Variants in NRXN1 observed in about 807,000 individuals in gnomAD.
NRXN1 encodes the protein neurexin-1.
In NRXN1, 39 loss-of-function variants were observed where a neutral mutation model predicts 150.9. The ratio of observed to expected loss-of-function variants is 0.26; its 90% CI spans 0.20 to 0.34. NRXN1 has a LOEUF of 0.34. NRXN1 is among the 10% of genes least tolerant of loss of function. The probability of loss-of-function intolerance (pLI) is 1.00; values close to 1 mark genes in which losing one functional copy is unlikely to be tolerated. For synonymous variants in NRXN1, 924 were observed against 757.0 expected, an observed-to-expected ratio of 1.22 and a Z score of -3.62; for missense variants, 1,815 against 1,949.9, an observed-to-expected ratio of 0.93 and a Z score of 1.30.
intron 5 of NRXN1, among the ~76,000 whole-genome samples, chr2:50,643,444 C>T (rs910046963): frequency 2.0e-5 from 3 of 151,954 alleles, no homozygotes. Context: ...TCAGTTCCAT[C>T]AGACTTTTTA....
At chr2:50,973,633 G>A (rs554781345) in intron 2 of NRXN1, among the ~76,000 whole-genome samples, 2 of 152,010 alleles carry the variant, frequency 1.3e-5, no homozygotes, top group East Asian at 1.9e-4. Context: ...ACACTCAAGC[G>A]ACAAATAAAA....
chr2:49,980,408 A>C (rs1679803254), intron 21 of NRXN1, among the ~76,000 whole-genome samples: 1 of 152,274 alleles, frequency 6.6e-6, no homozygotes, highest in South Asian at 2.1e-4. Flanking sequence ...CCATATCAAC[A>C]AGATTTCAAT....
At position 49,944,787 on chromosome 2, in the gene NRXN1, T is replaced by TAGAATTGTTCAAACAATTCTC. The variant is rs570048113; in HGVS notation, c.4129-1017_4129-997dup. Among the ~76,000 whole-genome samples, 1,086 of 152,296 alleles carry TAGAATTGTTCAAACAATTCTC rather than the reference T, an allele frequency of 7.1e-3. 7 individuals carry two copies. The highest frequency in any genetic ancestry group is 0.025 in the African/African-American group (1,042 of 41,542). Reference sequence around the variant, plus strand: ...TACATCTACTAAGGACTAAAGAGATTAGAATTGTTCAAACAATTCTCAGAA... The same window carrying TAGAATTGTTCAAACAATTCTC: ...TACATCTACTAAGGACTAAAGAGATTAGAATTGTTCAAACAATTCTCAGAATTGTTCAAACAATTCTCAGAA... On this transcript the variant is annotated intron_variant, in intron 21 of 22. Coordinates refer to ENST00000401669, the MANE Select transcript of NRXN1 (RefSeq NM_001330078.2).
rs542391233 is a variant in NRXN1, at chr2:50,265,319, T to A, written c.3365-28349A>T. Among the ~76,000 whole-genome samples, 3 of 152,248 alleles carry A rather than the reference T, an allele frequency of 2.0e-5. 1 individual carries two copies. In the South Asian group the frequency reaches 6.2e-4, roughly 32 times the overall value. On this transcript the variant is annotated intron_variant, in intron 17 of 22. Coordinates refer to ENST00000401669, the MANE Select transcript of NRXN1 (RefSeq NM_001330078.2). The stretch of plus-strand genomic sequence containing the variant: ...CAAGCAACTTCCTGTTAATTAATCC[T>A]AGCAAGGCCAGAGACTCAGGAAAGG...
intron 5 of NRXN1, among the ~76,000 whole-genome samples, chr2:50,914,629 T>C (rs1420030004): frequency 6.6e-6 from 1 of 151,678 alleles, no homozygotes; most frequent in Non-Finnish European, 1.5e-5. Context: ...GGACAGGGAA[T>C]GAGAAAGATA....
At chr2:50,843,385 T>C (rs928451619) in intron 5 of NRXN1, among the ~76,000 whole-genome samples, 1 of 152,218 alleles carries the variant, frequency 6.6e-6, no homozygotes, top group African/African-American at 2.4e-5. Context: ...CTAGTTTTCC[T>C]GATAGAAAAA....
intron 17 of NRXN1, among the ~76,000 whole-genome samples, chr2:50,366,846 C>A (rs1441532310): frequency 1.3e-5 from 2 of 151,978 alleles, no homozygotes; most frequent in Non-Finnish European, 2.9e-5. Flanking sequence ...GGTCTCCCTG[C>A]AGGAGTTATA....
At chr2:50,397,984 G>T (rs1212902659) in intron 17 of NRXN1, among the ~76,000 whole-genome samples, 1 of 152,096 alleles carries the variant, frequency 6.6e-6, no homozygotes, top group Non-Finnish European at 1.5e-5. Flanking sequence ...AAATCTTACA[G>T]ATAATGTGAA....
chr2:50,945,010 CT>C (rs1690105091), intron 2 of NRXN1, among the ~76,000 whole-genome samples: 1 of 152,152 alleles, frequency 6.6e-6, no homozygotes, highest in African/African-American at 2.4e-5. Context: ...AAACAGCATT[CT>C]AACATCTACA....
chr2:50,047,979 C>T (rs1692099356), intron 21 of NRXN1, among the ~76,000 whole-genome samples: 1 of 152,010 alleles, frequency 6.6e-6, no homozygotes, highest in South Asian at 2.1e-4. Context: ...ACCAAGCTTG[C>T]ATCTACCAAT....
intron 9 of NRXN1, among the ~76,000 whole-genome samples, chr2:50,545,531 G>C (rs2093475075): frequency 6.6e-6 from 1 of 152,116 alleles, no homozygotes; most frequent in African/African-American, 2.4e-5. Flanking sequence ...GATTTTCAGA[G>C]GGCGGTTTCA....
chr2:50,371,609 T>C (rs1441084373), intron 17 of NRXN1, among the ~76,000 whole-genome samples: 1 of 151,984 alleles, frequency 6.6e-6, no homozygotes, highest in Admixed American at 6.6e-5. Context: ...GATCTACGAA[T>C]AAGTTTCAAG....
At chr2:50,120,023 G>A (rs1032655415) in intron 18 of NRXN1, among the ~76,000 whole-genome samples, 4 of 152,152 alleles carry the variant, frequency 2.6e-5, no homozygotes, top group Non-Finnish European at 5.9e-5. Flanking sequence ...CTGGACTTCA[G>A]CAAATGTTCT....
At chr2:50,219,356 G>GC (rs1342668042) in intron 18 of NRXN1, among the ~76,000 whole-genome samples, 3 of 115,756 alleles carry the variant, frequency 2.6e-5, no homozygotes, top group Non-Finnish European at 5.5e-5. Context: ...GTTCTGTTTT[G>GC]GGGAAAAAAA....
chr2:50,426,157 G>A (rs2084469281), intron 17 of NRXN1, among the ~76,000 whole-genome samples: 1 of 152,126 alleles, frequency 6.6e-6, no homozygotes, highest in South Asian at 2.1e-4. Context: ...CTATCATGTG[G>A]AAACTTGAAA....
At chr2:50,227,540 T>C (rs2064516414) in intron 18 of NRXN1, among the ~76,000 whole-genome samples, 1 of 151,990 alleles carries the variant, frequency 6.6e-6, no homozygotes, top group African/African-American at 2.4e-5. Flanking sequence ...CTGCTGAAAG[T>C]GGGTGAACAT....
At chr2:50,913,266 T>A (rs1321020087) in intron 5 of NRXN1, among the ~76,000 whole-genome samples, 1 of 151,814 alleles carries the variant, frequency 6.6e-6, no homozygotes, top group Non-Finnish European at 1.5e-5. Context: ...ATGGCTAACT[T>A]GTGAACTAGG....
chr2:50,612,931 G>C (rs1046737610), intron 8 of NRXN1, among the ~76,000 whole-genome samples: 1 of 152,108 alleles, frequency 6.6e-6, no homozygotes, highest in East Asian at 1.9e-4. Context: ...AAGGGTAATC[G>C]ACCTCTGCAT....
chr2:50,041,749 T>TG (rs971783389), intron 21 of NRXN1, among the ~76,000 whole-genome samples: 2 of 152,232 alleles, frequency 1.3e-5, no homozygotes, highest in African/African-American at 4.8e-5. Flanking sequence ...TATTAGAGTG[T>TG]GTCAACAAGT....
Sources: gnomAD v4.1 joint callset for allele counts (sites outside exome capture counted in the v4.1 genomes callset) on GRCh38, gnomAD v4.1.1 for gene constraint, MANE v1.5 for transcripts, NCBI Gene and HGNC (gene_info 2026-07-23, HGNC 2026-07-21) for gene names.